The following LRP2 variants were observed in gnomAD, a reference collection of about 807,000 sequenced individuals.
LRP2 encodes the protein LDL receptor related protein 2, also known as low-density lipoprotein receptor-related protein 2.
In LRP2, 172 loss-of-function variants were observed where a neutral mutation model predicts 531.0. The ratio of observed to expected loss-of-function variants is 0.32; its 90% CI spans 0.29 to 0.37. LRP2 has a LOEUF of 0.37. LRP2 is among the 10% of genes least tolerant of loss of function. The probability of loss-of-function intolerance (pLI) is 1.00; values close to 1 mark genes in which losing one functional copy is unlikely to be tolerated. For synonymous variants in LRP2, 1,992 were observed against 2,027.6 expected (o/e 0.98, Z 0.47); for missense variants, 5,167 against 5,868.3 (o/e 0.88, Z 3.90).
At chr2:169,338,996 G>T (rs189038861) in intron 1 of LRP2, among the ~76,000 whole-genome samples, 1 of 152,082 alleles carries the variant, frequency 6.6e-6, no homozygotes, top group Non-Finnish European at 1.5e-5. Context: ...AGGATTATGG[G>T]TCTGGCATAT....
Position 169,139,334 on chromosome 2 carries a change from G to A in LRP2, c.13305C>T (p.Val4435=), listed in dbSNP as rs375801132. The stretch of plus-strand genomic sequence containing the variant: ...CTGCAATTGCCAGAGCTCCAATTAC[G>A]ACGATCAAGAGGATTGTCAACAGCA... The part of the protein sequence containing the change: ...VAVLLTILLI[V]VIGALAIAGF... The change falls in exon 74 of 79, where the codon GTC becomes GTT. Residue 4435 remains valine, a synonymous_variant. Coordinates refer to ENST00000649046, the MANE Select transcript of LRP2 (RefSeq NM_004525.3). 101 of 1,614,096 alleles carry A rather than the reference G, an allele frequency of 6.3e-5. No homozygotes were observed. The highest frequency in any genetic ancestry group is 1.2e-4 in the African/African-American group (9 of 75,028).
intron 3 of LRP2, among the ~76,000 whole-genome samples, chr2:169,311,405 G>T (rs1271843744): frequency 6.6e-6 from 1 of 152,144 alleles, no homozygotes; most frequent in Non-Finnish European, 1.5e-5. Context: ...TTGTGTCTTT[G>T]TTCTCATTGG....
intron 1 of LRP2, among the ~76,000 whole-genome samples, chr2:169,328,441 T>TAAAAAAAAAAAAAAA (rs537210492): frequency 2.0e-5 from 1 of 49,106 alleles, no homozygotes; most frequent in Non-Finnish European, 4.0e-5. Flanking sequence ...CGGGCCGGGA[T>TAAAAAAAAAAAAAAA]AAAAAAAAAA....
At chr2:169,342,467 C>G (rs77679027) in intron 1 of LRP2, among the ~76,000 whole-genome samples, 27 of 152,262 alleles carry the variant, frequency 1.8e-4, no homozygotes, top group Non-Finnish European at 3.7e-4. Flanking sequence ...AGTTCATCTG[C>G]TTTCTCTCAT....
intron 33 of LRP2, among the ~76,000 whole-genome samples, chr2:169,224,233 G>A (rs1689120465): frequency 6.6e-6 from 1 of 152,232 alleles, no homozygotes; most frequent in African/African-American, 2.4e-5. Flanking sequence ...ACCTAAAGCA[G>A]TGGATTGTCA....
chr2:169,150,753 T>G (rs1686088327), intron 68 of LRP2, 145 bp downstream of exon 68: 1 of 860,002 alleles, frequency 1.2e-6, no homozygotes, highest in Non-Finnish European at 1.9e-6. Context: ...CATGTTATAA[T>G]TCTTGAAACA....
At chr2:169,327,464 C>A (rs1205501201) in intron 1 of LRP2, among the ~76,000 whole-genome samples, 2 of 123,970 alleles carry the variant, frequency 1.6e-5, no homozygotes, top group East Asian at 2.6e-4. Context: ...GCCCGGCCAG[C>A]CGCCCCGTCT....
chr2:169,220,062 C>A (rs1434412401), intron 34 of LRP2, among the ~76,000 whole-genome samples: 1 of 152,172 alleles, frequency 6.6e-6, no homozygotes, highest in Non-Finnish European at 1.5e-5. Flanking sequence ...CTGGTTGCAA[C>A]CCATTCTCCA....
chr2:169,283,529 T>C (rs1683762290), intron 9 of LRP2, among the ~76,000 whole-genome samples: 1 of 152,230 alleles, frequency 6.6e-6, no homozygotes, highest in Middle Eastern at 3.2e-3. Flanking sequence ...CAGAAAGTTC[T>C]ATTGGACAGC....
intron 9 of LRP2, among the ~76,000 whole-genome samples, chr2:169,284,530 G>T (rs1683799875): frequency 6.6e-6 from 1 of 152,096 alleles, no homozygotes; most frequent in Non-Finnish European, 1.5e-5. Context: ...GCCTCCCAAA[G>T]TGATGGGACT....
chr2:169,267,117 CG>C (rs1010991807), intron 16 of LRP2, among the ~76,000 whole-genome samples: 15 of 151,346 alleles, frequency 9.9e-5, no homozygotes, highest in Admixed American at 5.3e-4. Flanking sequence ...CTCAAACTCC[CG>C]GCCTCAAGCA....
intron 4 of LRP2, among the ~76,000 whole-genome samples, chr2:169,296,836 C>T (rs1408290309): frequency 6.6e-6 from 1 of 152,138 alleles, no homozygotes; most frequent in African/African-American, 2.4e-5. Flanking sequence ...GCCCATTCCC[C>T]ACCCAACAAA....
intron 3 of LRP2, among the ~76,000 whole-genome samples, chr2:169,310,022 T>C (rs891893429): frequency 2.6e-5 from 4 of 152,126 alleles, no homozygotes; most frequent in African/African-American, 7.2e-5. Flanking sequence ...TGGCTCTCTG[T>C]TTGTCTGTTA....
At chr2:169,279,229 G>A (rs1466507226) in intron 12 of LRP2, 143 bp downstream of exon 12, 1 of 679,090 alleles carries the variant, frequency 1.5e-6, no homozygotes, top group Admixed American at 2.4e-5. Flanking sequence ...ATAAATAAGG[G>A]CACAAAATAG....
At chr2:169,274,752 G>T (rs1683508380) in intron 14 of LRP2, among the ~76,000 whole-genome samples, 1 of 152,104 alleles carries the variant, frequency 6.6e-6, no homozygotes, top group Non-Finnish European at 1.5e-5. Flanking sequence ...TTTGTGAGCT[G>T]CTATACCCCC....
intron 4 of LRP2, among the ~76,000 whole-genome samples, chr2:169,304,508 A>G (rs535659380): frequency 9.8e-4 from 150 of 152,304 alleles, no homozygotes; most frequent in Non-Finnish European, 1.9e-3. Flanking sequence ...ACAAAATATA[A>G]CATATGGTTT....
intron 1 of LRP2, among the ~76,000 whole-genome samples, chr2:169,333,942 C>T (rs1685334936): frequency 6.6e-6 from 1 of 152,206 alleles, no homozygotes; most frequent in Non-Finnish European, 1.5e-5. Flanking sequence ...TGACTTGAAA[C>T]AATTCAATAG....
chr2:169,309,126 C>T (rs947445113), intron 3 of LRP2, among the ~76,000 whole-genome samples: 5 of 152,114 alleles, frequency 3.3e-5, no homozygotes, highest in Non-Finnish European at 5.9e-5. Context: ...GATATCAGCC[C>T]TTTGTCAGAT....
intron 76 of LRP2, among the ~76,000 whole-genome samples, chr2:169,135,362 G>A (rs1303966359): frequency 1.3e-5 from 2 of 152,130 alleles, no homozygotes; most frequent in African/African-American, 2.4e-5. Context: ...CTCTTGGTCT[G>A]GGTAGACACT....
Sources: gnomAD v4.1 joint callset for allele counts (sites outside exome capture counted in the v4.1 genomes callset) on GRCh38, gnomAD v4.1.1 for gene constraint, MANE v1.5 for transcripts, NCBI Gene and HGNC (gene_info 2026-07-23, HGNC 2026-07-21) for gene names.